Variants in KIF13A observed in about 807,000 individuals in gnomAD.
KIF13A encodes the protein kinesin-like protein KIF13A.
In KIF13A, 79 loss-of-function variants were observed where a neutral mutation model predicts 212.2. The ratio of observed to expected loss-of-function variants is 0.37; its 90% CI spans 0.31 to 0.45. The LOEUF is 0.45. Among genes scored for constraint, KIF13A ranks in the 20% least tolerant of loss-of-function variants. The pLI is 1.00. For missense variants in KIF13A, 1,901 were observed against 2,209.0 expected (o/e 0.86, Z 2.79); for synonymous variants, 789 against 808.6 (o/e 0.98, Z 0.41).
intron 29 of KIF13A, among the ~76,000 whole-genome samples, chr6:17,782,309 T>G (rs1760667184): frequency 6.6e-6 from 1 of 152,172 alleles, no homozygotes; most frequent in Admixed American, 6.5e-5. Flanking sequence ...AATGAATATA[T>G]TCTTTGTTGT....
Position 17,892,861 on chromosome 6 carries a change from T to A in KIF13A, c.159+5307A>T, listed in dbSNP as rs1772189441. On this transcript the variant is annotated intron_variant, in intron 3 of 38. Transcript: ENST00000259711. This position sits in a 1 kb window ranked among gnomAD's most constrained non-coding sequence, Gnocchi z 4.7. ...GACTCTTCCTGAGTTTTATCCTTTA[T>A]CAAAGCTGGCAATATTATGTAAAGG... Among the ~76,000 whole-genome samples, 1 of 152,222 alleles carries A rather than the reference T, an allele frequency of 6.6e-6. No homozygotes were observed. The highest frequency in any genetic ancestry group is 1.9e-4 in the East Asian group (1 of 5,198).
At chr6:17,796,163 G>T (rs1408792917) in intron 23 of KIF13A, among the ~76,000 whole-genome samples, 1 of 149,210 alleles carries the variant, frequency 6.7e-6, no homozygotes, top group African/African-American at 2.4e-5. Context: ...AGCAGTCCCA[G>T]AATTCAAAGC....
In KIF13A at chr6:17,829,393, T is replaced by A. The variant is rs578056621; in HGVS notation, c.1402-1023A>T. The stretch of plus-strand genomic sequence containing the variant: ...CATGTTCGTGTTTATATTAAAGTAG[T>A]TTTGACCTCACAGGCCTCATGAAAG... On this transcript the variant is annotated intron_variant, in intron 13 of 38. Coordinates refer to ENST00000259711, the MANE Select transcript of KIF13A (RefSeq NM_022113.6). The surrounding 1 kb of genome is among the most constrained non-coding windows in gnomAD (Gnocchi z 5.4). 2.6e-5 allele frequency among the ~76,000 whole-genome samples: 4 copies of A among 152,250 alleles called. No individual in the cohort carries two copies. The South Asian group carries it at 8.3e-4, about 32-fold the overall frequency.
In KIF13A at chr6:17,808,257, G is replaced by A. The variant is rs183890901; in HGVS notation, c.2163+511C>T. 1.3e-4 allele frequency among the ~76,000 whole-genome samples: 20 copies of A among 152,216 alleles called. No homozygotes were observed. The East Asian group carries it at 1.5e-3, about 12-fold the overall frequency. On this transcript the variant is annotated intron_variant, in intron 18 of 38. Coordinates refer to ENST00000259711, the MANE Select transcript of KIF13A (RefSeq NM_022113.6). ...AAAAATTGGCCGGGTGTGCTAGTGC[G>A]CGCCTGTAATCCCAGCTACTCGGGA...
Position 17,773,878 on chromosome 6 carries a change from G to A in KIF13A, c.4219-295C>T, listed in dbSNP as rs1203649604. Among the ~76,000 whole-genome samples, 2 of 152,058 alleles carry A rather than the reference G, an allele frequency of 1.3e-5. No homozygotes were observed. The highest frequency in any genetic ancestry group is 2.9e-5 in the Non-Finnish European group (2 of 68,016). Reference sequence around the variant, plus strand: ...CCATTCATCTTCCTTCCTCCCCAGAGGTAGCTACTTTGAGCAATGTGGCAT... The same window carrying A: ...CCATTCATCTTCCTTCCTCCCCAGAAGTAGCTACTTTGAGCAATGTGGCAT... On this transcript the variant is annotated intron_variant, in intron 35 of 38. Transcript: ENST00000259711. This position sits in a 1 kb window ranked among gnomAD's most constrained non-coding sequence, Gnocchi z 4.2.
intron 2 of KIF13A, among the ~76,000 whole-genome samples, chr6:17,929,069 A>AAC (rs57034983): frequency 0.53 from 69,268 of 130,080 alleles, 18,705 homozygotes; most frequent in South Asian, 0.64. Context: ...CAAAAAAAAA[A>AAC]AAAAAAAAAA....
chr6:17,832,995 CAG>C (rs903555788), intron 12 of KIF13A, among the ~76,000 whole-genome samples: 1 of 115,904 alleles, frequency 8.6e-6, no homozygotes, highest in Admixed American at 1.1e-4. Context: ...GCCTGGGCGA[CAG>C]AGAGAGACTC....
At chr6:17,927,255 G>A (rs2328200) in intron 2 of KIF13A, among the ~76,000 whole-genome samples, 109,146 of 152,092 alleles carry the variant, frequency 0.72, 39,761 homozygotes, top group South Asian at 0.83. Flanking sequence ...GTCAAAAGGT[G>A]GAAACAACCC....
chr6:17,911,893 T>G (rs1774100012), intron 2 of KIF13A, among the ~76,000 whole-genome samples: 1 of 151,988 alleles, frequency 6.6e-6, no homozygotes, highest in Admixed American at 6.6e-5. Context: ...GCATCCCAAG[T>G]AGCTGGGACT....
chr6:17,832,906 C>T (rs10949461), intron 12 of KIF13A, among the ~76,000 whole-genome samples: 64,862 of 146,248 alleles, frequency 0.44, 14,937 homozygotes, highest in South Asian at 0.56. Flanking sequence ...CCCAGCTGCT[C>T]GGGAGGCTGA....
intron 9 of KIF13A, among the ~76,000 whole-genome samples, chr6:17,844,592 C>T (rs1012571480): frequency 3.9e-5 from 6 of 152,190 alleles, no homozygotes; most frequent in African/African-American, 1.4e-4. Context: ...TTTGTTTCTT[C>T]TCAAAGCCAT....
intron 20 of KIF13A, among the ~76,000 whole-genome samples, chr6:17,801,211 G>T (rs1051719678): frequency 7.2e-5 from 11 of 151,878 alleles, no homozygotes; most frequent in Non-Finnish European, 1.6e-4. Context: ...TCACTAACAG[G>T]CCAGGCGTGG....
intron 12 of KIF13A, among the ~76,000 whole-genome samples, chr6:17,832,652 TAA>T (rs1765552389): frequency 1.3e-5 from 2 of 149,254 alleles, no homozygotes; most frequent in African/African-American, 4.9e-5. Context: ...AAAAATTAAA[TAA>T]ATAAAAATAA....
At chr6:17,887,562 A>G (rs915497726) in intron 3 of KIF13A, among the ~76,000 whole-genome samples, 3 of 152,180 alleles carry the variant, frequency 2.0e-5, no homozygotes, top group Admixed American at 6.5e-5. Context: ...CAGACTCCCA[A>G]TGCTCTATAA....
chr6:17,781,291 G>A lies in KIF13A; in HGVS notation c.3555C>T (p.Leu1185=). 6.2e-7 allele frequency: 1 copy of A among 1,608,014 alleles called. No individual in the cohort carries two copies. Among genetic ancestry groups the A allele is most frequent in the Admixed American group, 1.7e-5 (1 of 58,512 alleles). The part of the protein sequence containing the change: ...VLFLDLNADD[L]SANEQLVGPH... ...GGCCAACAAGCTGCTCATTGGCACT[G>A]AGGTCATCCGCTAACCACATCAGGA... is the stretch of plus-strand genomic sequence containing the variant. Residue 1185 remains leucine, a synonymous_variant, in exon 30 of 39, where the codon CTC becomes CTT. Coordinates refer to ENST00000259711, the MANE Select transcript of KIF13A (RefSeq NM_022113.6).
In KIF13A at chr6:17,829,817, A is replaced by C. The variant is rs759653724; in HGVS notation, c.1401+1284T>G. On this transcript the variant is annotated intron_variant, in intron 13 of 38. Coordinates refer to ENST00000259711, the MANE Select transcript of KIF13A (RefSeq NM_022113.6). The surrounding 1 kb of genome is among the most constrained non-coding windows in gnomAD (Gnocchi z 5.4). ...TTTGTACCAAATTTACACCTCTAGG[A>C]AAAGTAGAAGGTGAGGCTCCTTGCT... Among the ~76,000 whole-genome samples, 3 of 152,098 alleles carry C rather than the reference A, an allele frequency of 2.0e-5. No homozygotes were observed. Among genetic ancestry groups the C allele is most frequent in the Non-Finnish European group, 1.5e-5 (1 of 68,012 alleles).
At chr6:17,852,134 TC>T in intron 6 of KIF13A, 92 bp from the exon 7 acceptor site, 1 of 562,654 alleles carries the variant, frequency 1.8e-6, no homozygotes, top group Middle Eastern at 2.8e-4. Context: ...GATAACAATT[TC>T]AAAAGAATTT....
At chr6:17,976,816 AAAAG>A (rs1235412766) in intron 2 of KIF13A, among the ~76,000 whole-genome samples, 2 of 151,822 alleles carry the variant, frequency 1.3e-5, no homozygotes, top group African/African-American at 4.8e-5. Flanking sequence ...AAAAAAAAAA[AAAAG>A]AGGCTGGGTG....
rs1778793756 is a variant in KIF13A, at chr6:17,961,254, G to A, written c.146+25800C>T. Among the ~76,000 whole-genome samples, 1 of 152,220 alleles carries A rather than the reference G, an allele frequency of 6.6e-6. No homozygotes were observed. Among genetic ancestry groups the A allele is most frequent in the African/African-American group, 2.4e-5 (1 of 41,462 alleles). On this transcript the variant is annotated intron_variant, in intron 2 of 38. Transcript: ENST00000259711. The surrounding 1 kb of genome is among the most constrained non-coding windows in gnomAD (Gnocchi z 4.1). ...CTTAATGAGATCTGGACTTGGCAAG[G>A]AGGTGGACTTCACTAGTGTGGGCTG...
Sources: gnomAD v4.1 joint callset for allele counts (sites outside exome capture counted in the v4.1 genomes callset) on GRCh38, gnomAD v4.1.1 for gene constraint, Gnocchi (gnomAD v3.1) non-coding constraint, MANE v1.5 for transcripts, NCBI Gene and HGNC (gene_info 2026-07-23, HGNC 2026-07-21) for gene names.